The following AGMO variants were observed in gnomAD, a reference collection of about 807,000 sequenced individuals.
AGMO encodes the protein glyceryl-ether monooxygenase.
In AGMO, 75 loss-of-function variants were observed where a neutral mutation model predicts 60.2. The ratio of observed to expected loss-of-function variants is 1.25; its 90% CI spans 1.03 to 1.51. The LOEUF is 1.51. Ranked by LOEUF, AGMO falls within the 40% of genes most tolerant of loss-of-function variation. The probability of loss-of-function intolerance (pLI) is 0.00; values close to 1 mark genes in which losing one functional copy is unlikely to be tolerated. For missense variants in AGMO, 763 were observed against 525.5 expected, an observed-to-expected ratio of 1.45 and a Z score of -4.42; for synonymous variants, 261 against 177.1, an observed-to-expected ratio of 1.47 and a Z score of -3.76.
intron 12 of AGMO, among the ~76,000 whole-genome samples, chr7:15,240,798 G>C (rs4332033): frequency 0.015 from 2,311 of 152,116 alleles, 74 homozygotes; most frequent in African/African-American, 0.054. Context: ...GCTCAGATCC[G>C]TATTAGAAGC....
chr7:15,291,621 C>A (rs1379151825), intron 12 of AGMO, among the ~76,000 whole-genome samples: 1 of 152,036 alleles, frequency 6.6e-6, no homozygotes, highest in Non-Finnish European at 1.5e-5. Flanking sequence ...AACTTGTCAA[C>A]TGAAAAGCTT....
chr7:15,468,999 T>C lies in AGMO; in HGVS notation c.410-37891A>G, dbSNP rs142816484. ...AAATTACAGGTTGATTTCTGCTTTC[T>C]TTTTCTTCCCAATTTGCATACATTT... On this transcript the variant is annotated intron_variant, in intron 3 of 12. Coordinates refer to ENST00000342526, the MANE Select transcript of AGMO (RefSeq NM_001004320.2). Among the ~76,000 whole-genome samples the C allele has an allele frequency of 3.3e-3, 501 of 152,280 alleles. 1 individual carries two copies. The highest frequency in any genetic ancestry group is 0.01 in the Middle Eastern group (3 of 294).
the AGMO span, among the ~76,000 whole-genome samples, chr7:15,162,674 A>G: frequency 6.6e-6 from 1 of 152,164 alleles, no homozygotes; most frequent in African/African-American, 2.4e-5. Flanking sequence ...AGCCTAGACA[A>G]CAGACTAAAA....
chr7:15,238,737 A>G (rs1293703037), intron 12 of AGMO, among the ~76,000 whole-genome samples: 5 of 152,008 alleles, frequency 3.3e-5, no homozygotes, highest in Non-Finnish European at 7.4e-5. Flanking sequence ...AATTGCACCA[A>G]TTAAGGGAAA....
At chr7:15,380,016 A>T (rs1783611806) in intron 10 of AGMO, among the ~76,000 whole-genome samples, 1 of 152,188 alleles carries the variant, frequency 6.6e-6, no homozygotes, top group African/African-American at 2.4e-5. Flanking sequence ...GCCTCAAAAT[A>T]AAAAGATCCA....
Position 15,560,346 on chromosome 7 carries a change from T to C in AGMO, c.127-75A>G. 6 of 1,506,048 alleles carry C rather than the reference T, an allele frequency of 4.0e-6. No homozygotes were observed. The South Asian group carries it at 7.6e-5, about 19-fold the overall frequency. The allele number at this position is 1,506,048 out of a possible 1,614,324, so 93.3% of individuals were successfully genotyped here. ...TATTTTACATTTCCTGATTAGTCAT[T>C]TCAGAATTGAAAGGCCCAGATTTGG... On this transcript the variant is annotated intron_variant, in intron 1 of 12. Coordinates refer to ENST00000342526, the MANE Select transcript of AGMO (RefSeq NM_001004320.2).
chr7:15,270,671 C>T (rs1783579453), intron 12 of AGMO, among the ~76,000 whole-genome samples: 1 of 79,028 alleles, frequency 1.3e-5, no homozygotes, highest in African/African-American at 5.2e-5. Flanking sequence ...AATTAAGTCC[C>T]ATTTATCTAT....
At chr7:15,303,309 T>C (rs146869066) in intron 12 of AGMO, among the ~76,000 whole-genome samples, 1 of 152,286 alleles carries the variant, frequency 6.6e-6, no homozygotes, top group African/African-American at 2.4e-5. Context: ...TTCTGTATTT[T>C]TGGCTTATTT....
the AGMO span, among the ~76,000 whole-genome samples, chr7:15,178,991 T>C: frequency 3.9e-5 from 6 of 152,108 alleles, no homozygotes; most frequent in African/African-American, 1.2e-4. Flanking sequence ...CCCATTCCTG[T>C]AATAATGGCA....
the AGMO span, among the ~76,000 whole-genome samples, chr7:15,171,669 T>A: frequency 6.6e-6 from 1 of 152,248 alleles, no homozygotes; most frequent in South Asian, 2.1e-4. Flanking sequence ...TAAATTATAA[T>A]TTGTATCATT....
chr7:15,478,276 G>A (rs1782649178), intron 3 of AGMO, among the ~76,000 whole-genome samples: 1 of 152,108 alleles, frequency 6.6e-6, no homozygotes, highest in African/African-American at 2.4e-5. Context: ...ATATGACCTT[G>A]AGCAAATTAC....
chr7:15,288,889 AAAGC>A (rs1784179144), intron 12 of AGMO, among the ~76,000 whole-genome samples: 1 of 151,700 alleles, frequency 6.6e-6, no homozygotes. Flanking sequence ...TTATCTCTTT[AAAGC>A]TTCCGTAAGT....
chr7:15,301,804 T>C (rs965631777), intron 12 of AGMO, among the ~76,000 whole-genome samples: 35 of 152,290 alleles, frequency 2.3e-4, no homozygotes, highest in African/African-American at 8.4e-4. Context: ...TATAATATAA[T>C]ATTTTTACTG....
intron 3 of AGMO, among the ~76,000 whole-genome samples, chr7:15,537,018 C>T (rs1347284734): frequency 6.6e-6 from 1 of 151,924 alleles, no homozygotes; most frequent in Non-Finnish European, 1.5e-5. Flanking sequence ...AATAAAATTA[C>T]TTGGGACAAA....
chr7:15,392,885 A>C (rs1395741688), intron 6 of AGMO, among the ~76,000 whole-genome samples: 2 of 152,232 alleles, frequency 1.3e-5, no homozygotes, highest in East Asian at 3.9e-4. Flanking sequence ...AGCCTGCCTT[A>C]AATGCGCTCA....
At chr7:15,185,701 G>A in the AGMO span, among the ~76,000 whole-genome samples, 3 of 152,180 alleles carry the variant, frequency 2.0e-5, no homozygotes, top group Non-Finnish European at 4.4e-5. Context: ...GAAGATTGGA[G>A]TCCAAAACCC....
chr7:15,293,053 G>A (rs1485497607), intron 12 of AGMO, among the ~76,000 whole-genome samples: 1 of 152,010 alleles, frequency 6.6e-6, no homozygotes, highest in East Asian at 1.9e-4. Context: ...GTGAGCCACT[G>A]CATCCGGCTC....
the AGMO span, among the ~76,000 whole-genome samples, chr7:15,191,406 G>C: frequency 6.6e-6 from 1 of 152,096 alleles, no homozygotes; most frequent in African/African-American, 2.4e-5. Flanking sequence ...GTATCTCTGA[G>C]GTCTGGATTA....
intron 3 of AGMO, among the ~76,000 whole-genome samples, chr7:15,512,830 CT>C (rs201890620): frequency 0.015 from 2,312 of 151,972 alleles, 60 homozygotes; most frequent in African/African-American, 0.052. Context: ...TGTTTGCTAT[CT>C]TTTTTTTCCT....
Sources: allele counts gnomAD v4.1 joint callset (sites outside exome capture counted in the v4.1 genomes callset), GRCh38; gene constraint gnomAD v4.1.1; transcripts MANE v1.5; gene names NCBI Gene and HGNC (gene_info 2026-07-23, HGNC 2026-07-21).